ZDHHC11B: variants seen among roughly 807,000 people sequenced by gnomAD.
ZDHHC11B encodes the protein zDHHC palmitoyltransferase 11B (putative).
A neutral mutation model predicts 42.3 loss-of-function variants in ZDHHC11B; 17 were observed. That is an observed-to-expected ratio of 0.40 (90% CI 0.27 to 0.60). ZDHHC11B has a LOEUF of 0.60. Among genes scored for constraint, ZDHHC11B ranks in the 20% least tolerant of loss-of-function variants. The pLI is 0.41. For synonymous variants in ZDHHC11B, 123 were observed against 193.5 expected (o/e 0.64, Z 3.02); for missense variants, 262 against 463.2 (o/e 0.57, Z 3.99).
rs371109686 is a variant in ZDHHC11B, at chr5:744,196, G to A, written c.900+987C>T. On this transcript the variant is annotated intron_variant, in intron 9 of 13. Transcript: ENST00000508859. ...TGATATCACTTGGCCACAGTGCACA[G>A]TCCTGCCCCATGCTGCTCGATTTGG... is the stretch of plus-strand genomic sequence containing the variant. Among the ~76,000 whole-genome samples the A allele has an allele frequency of 2.7e-5, 4 of 150,030 alleles. No homozygotes were observed. The East Asian group carries it at 8.2e-4, about 31-fold the overall frequency.
rs777440878 is a variant in ZDHHC11B at position 748,602 on chromosome 5, C to T, written c.629-43G>A. On this transcript the variant is annotated intron_variant, in intron 7 of 13. Transcript: ENST00000508859. The stretch of plus-strand genomic sequence containing the variant: ...AGACACTGTGTCCAGCACCTGCTGA[C>T]GGGTGCCACATCAGGTGGATGTCAC... 141 of 1,335,234 alleles carry T rather than the reference C, an allele frequency of 1.1e-4. No homozygotes were observed. The African/African-American group carries it at 1.4e-3, about 13-fold the overall frequency. 82.7% of individuals were successfully genotyped at this position (1,335,234 alleles called of 1,614,324 possible).
intron 1 of ZDHHC11B, among the ~76,000 whole-genome samples, chr5:778,683 C>T (rs1736739313): frequency 6.6e-6 from 1 of 152,074 alleles, no homozygotes; most frequent in Admixed American, 6.6e-5. Context: ...GTGAACGCGA[C>T]CTTGTTTGGA....
At chr5:760,762 G>T (rs1734498911) in intron 4 of ZDHHC11B, among the ~76,000 whole-genome samples, 2 of 151,800 alleles carry the variant, frequency 1.3e-5, no homozygotes, top group South Asian at 4.2e-4. Context: ...AAAGCGATAT[G>T]CCTGAGACTC....
rs57215051 is a variant in ZDHHC11B at position 745,355 on chromosome 5, G to A, written c.785-57C>T. The A allele has an allele frequency of 8.8e-4, 1,314 of 1,495,654 alleles. 14 individuals are homozygous for A. The African/African-American group carries it at 0.016, about 18-fold the overall frequency. The allele number at this position is 1,495,654 out of a possible 1,614,324, so 92.6% of individuals were successfully genotyped here. A position where few individuals can be genotyped will look rare whatever the true frequency, so the allele number is the denominator to read the frequency against. ...TACCAGCCCTGCGGCTTTGCACGGC[G>A]CCCACAGGACAGCTCAGCAGGGTGG... On this transcript the variant is annotated intron_variant, in intron 8 of 13. Coordinates refer to ENST00000508859, the MANE Select transcript of ZDHHC11B (RefSeq NM_001351303.2).
At chr5:743,685 C>T (rs1744419277) in intron 9 of ZDHHC11B, among the ~76,000 whole-genome samples, 1 of 149,702 alleles carries the variant, frequency 6.7e-6, no homozygotes, top group South Asian at 2.2e-4. Context: ...AAAATATAAC[C>T]CGGAGTTTTC....
chr5:776,641 C>G (rs1048106843), intron 1 of ZDHHC11B, among the ~76,000 whole-genome samples: 1 of 151,890 alleles, frequency 6.6e-6, no homozygotes, highest in East Asian at 1.9e-4. Context: ...CCCGAAGCCC[C>G]AGAAGCAAAA....
chr5:775,037 C>T (rs1188353464), intron 1 of ZDHHC11B, among the ~76,000 whole-genome samples: 1 of 151,934 alleles, frequency 6.6e-6, no homozygotes, highest in African/African-American at 2.4e-5. Context: ...AGGCAGGAGC[C>T]ATGGAGTCAG....
chr5:767,356 G>C lies in ZDHHC11B; in HGVS notation c.-1+36C>G, dbSNP rs1233247667. The C allele has an allele frequency of 1.5e-5, 23 of 1,571,248 alleles. 1 individual carries two copies. Among genetic ancestry groups the C allele is most frequent in the Admixed American group, 3.4e-5 (2 of 58,978 alleles). ...CCACACCAGGGCGCAGCTGAAGCTG[G>C]ACAGCAGCCAAGGGCTCCCCGGGGC... On this transcript the variant is annotated intron_variant, in intron 3 of 13. Transcript: ENST00000508859.
intron 4 of ZDHHC11B, among the ~76,000 whole-genome samples, chr5:765,417 T>TG (rs1735138461): frequency 6.6e-6 from 1 of 151,932 alleles, no homozygotes; most frequent in African/African-American, 2.4e-5. Context: ...TGTGGGGACT[T>TG]GGAGAACTTT....
At chr5:758,460 A>G (rs1288774044) in intron 4 of ZDHHC11B, among the ~76,000 whole-genome samples, 2 of 151,854 alleles carry the variant, frequency 1.3e-5, no homozygotes, top group East Asian at 3.9e-4. Context: ...GCTGGGGGCC[A>G]CCAGGAGACA....
At chr5:757,847 G>T (rs1411208488) in intron 4 of ZDHHC11B, among the ~76,000 whole-genome samples, 1 of 151,862 alleles carries the variant, frequency 6.6e-6, no homozygotes, top group African/African-American at 2.4e-5. Context: ...GCTAGGCAGT[G>T]CAGCAACGGG....
At chr5:722,908 C>A (rs555174590) in intron 12 of ZDHHC11B, among the ~76,000 whole-genome samples, 1 of 151,552 alleles carries the variant, frequency 6.6e-6, no homozygotes, top group Non-Finnish European at 1.5e-5. Context: ...ATACTACATA[C>A]GCACAATGTC....
chr5:754,035 T>G (rs1746156616), intron 6 of ZDHHC11B, among the ~76,000 whole-genome samples: 2 of 136,520 alleles, frequency 1.5e-5, no homozygotes, highest in African/African-American at 2.5e-5. Context: ...CTCTCATCTA[T>G]GAGCCTCCAC....
intron 7 of ZDHHC11B, among the ~76,000 whole-genome samples, chr5:750,539 C>A (rs1437232365): frequency 4.6e-5 from 6 of 130,604 alleles, no homozygotes; most frequent in African/African-American, 1.5e-4. Context: ...GTCACAGCCG[C>A]AGGCCCATTT....
chr5:774,181 G>A (rs1363822521), intron 1 of ZDHHC11B, among the ~76,000 whole-genome samples: 1 of 152,080 alleles, frequency 6.6e-6, no homozygotes, highest in Non-Finnish European at 1.5e-5. Context: ...AATCACCTGG[G>A]CCCCATTTGT....
chr5:783,271 G>C (rs1319140812), intron 1 of ZDHHC11B, among the ~76,000 whole-genome samples: 1 of 152,256 alleles, frequency 6.6e-6, no homozygotes, highest in Non-Finnish European at 1.5e-5. Flanking sequence ...TGGTGGGGAG[G>C]CGCTGGCACC....
chr5:718,065 T>C (rs1457162131), intron 12 of ZDHHC11B, among the ~76,000 whole-genome samples: 2 of 151,800 alleles, frequency 1.3e-5, no homozygotes, highest in East Asian at 1.9e-4. Context: ...CAAAAATTAC[T>C]GAGAATAAAA....
rs150030425 is a variant in ZDHHC11B, at chr5:757,079, C to T, written c.223-935G>A. Among the ~76,000 whole-genome samples the T allele has an allele frequency of 3.4e-3, 523 of 151,906 alleles. 9 individuals are homozygous for T. The highest frequency in any genetic ancestry group is 4.7e-3 in the Non-Finnish European group (317 of 67,868). Reference sequence around the variant, plus strand: ...TCCGCCCTCAGATACTGGCTCCCTCCTCCTCTCACCCTGGGACAAACACAG... The same window carrying T: ...TCCGCCCTCAGATACTGGCTCCCTCTTCCTCTCACCCTGGGACAAACACAG... On this transcript the variant is annotated intron_variant, in intron 4 of 13. Transcript: ENST00000508859.
rs755038237 is a variant in ZDHHC11B at position 756,119 on chromosome 5, T to G, written c.248A>C (p.His83Pro). ...YVVTGGIFSF[H>P]LVVHLIASCI... is the part of the protein sequence containing the mutation. ...GGACGCGATCAGGTGGACGACGAGG[T>G]GGAACGAGAAGATCCCCCCGGTCAC... The change falls in exon 5 of 14, where the codon CAC becomes CCC. Residue 83 changes from histidine to proline, a missense_variant. His to Pro is a moderately conservative substitution (Grantham distance 77, BLOSUM62 -2). Coordinates refer to ENST00000508859, the MANE Select transcript of ZDHHC11B (RefSeq NM_001351303.2). The G allele has an allele frequency of 7.0e-7, 1 of 1,431,256 alleles. No homozygotes were observed. Among genetic ancestry groups the G allele is most frequent in the Non-Finnish European group, 9.3e-7 (1 of 1,079,624 alleles). The allele number at this position is 1,431,256 out of a possible 1,614,324, so 88.7% of individuals were successfully genotyped here.
Sources: allele counts gnomAD v4.1 joint callset (sites outside exome capture counted in the v4.1 genomes callset), GRCh38; gene constraint gnomAD v4.1.1; transcripts MANE v1.5; gene names NCBI Gene and HGNC (gene_info 2026-07-23, HGNC 2026-07-21).